The following KCNIP4 variants were observed in gnomAD, a reference collection of about 807,000 sequenced individuals.
KCNIP4 encodes potassium voltage-gated channel interacting protein 4.
A neutral mutation model predicts 34.0 loss-of-function variants in KCNIP4; 12 were observed. The observed-to-expected ratio is 0.35, with a 90% CI of 0.23 to 0.57. The LOEUF is 0.57. KCNIP4 is among the 20% of genes least tolerant of loss of function. KCNIP4 has a pLI of 0.83. For missense variants in KCNIP4, 238 were observed against 311.7 expected (o/e 0.76, Z 1.78); for synonymous variants, 124 against 102.2 (o/e 1.21, Z -1.29).
chr4:21,105,087 T>TAA (rs1748382720), intron 1 of KCNIP4, among the ~76,000 whole-genome samples: 1 of 151,722 alleles, frequency 6.6e-6, no homozygotes, highest in African/African-American at 2.4e-5. Flanking sequence ...GTCTCTTTTT[T>TAA]GGTTCCATAT....
intron 1 of KCNIP4, among the ~76,000 whole-genome samples, chr4:21,199,323 G>C (rs1756293361): frequency 6.6e-6 from 1 of 152,214 alleles, no homozygotes; most frequent in Non-Finnish European, 1.5e-5. Context: ...CTGATGGCCA[G>C]TGATGATGAG....
chr4:21,759,755 A>G (rs1049904742), intron 1 of KCNIP4, among the ~76,000 whole-genome samples: 3 of 152,080 alleles, frequency 2.0e-5, no homozygotes, highest in Admixed American at 2.0e-4. Context: ...TGGAATGACA[A>G]CCTACGTTCC....
chr4:21,519,605 C>A (rs912077795), intron 1 of KCNIP4, among the ~76,000 whole-genome samples: 10 of 88,442 alleles, frequency 1.1e-4, no homozygotes, highest in African/African-American at 2.0e-4. Context: ...TATATATACA[C>A]ATATGTGTGT....
At chr4:21,133,850 A>T (rs1377354089) in intron 1 of KCNIP4, among the ~76,000 whole-genome samples, 2 of 152,190 alleles carry the variant, frequency 1.3e-5, no homozygotes, top group Non-Finnish European at 2.9e-5. Context: ...AAACATACAC[A>T]CTAGAAAGCC....
chr4:21,903,763 G>T (rs765870862), intron 1 of KCNIP4, among the ~76,000 whole-genome samples: 9 of 151,996 alleles, frequency 5.9e-5, no homozygotes, highest in Non-Finnish European at 1.2e-4. Context: ...AGAACCATTA[G>T]GAAGTTATGT....
chr4:21,166,987 G>A lies in KCNIP4; in HGVS notation c.62-284278C>T, dbSNP rs549327451. 2.9e-4 allele frequency among the ~76,000 whole-genome samples: 43 copies of A among 148,000 alleles called. No individual in the cohort carries two copies. The East Asian group carries it at 7.8e-3, about 27-fold the overall frequency. On this transcript the variant is annotated intron_variant, in intron 1 of 8. Transcript: ENST00000382152. ...AAAGAAGTGAGTGGATGGATGGATG[G>A]ATAAGCAAACTGTTGTACATTTCTA...
At chr4:20,815,298 C>T (rs984773912) in intron 3 of KCNIP4, among the ~76,000 whole-genome samples, 5 of 152,100 alleles carry the variant, frequency 3.3e-5, no homozygotes, top group Admixed American at 6.6e-5. Flanking sequence ...AGAATGATGT[C>T]TACCATAATT....
chr4:21,786,808 C>T (rs1328683366), intron 1 of KCNIP4, among the ~76,000 whole-genome samples: 1 of 151,794 alleles, frequency 6.6e-6, no homozygotes, highest in African/African-American at 2.4e-5. Context: ...CCTCATGATC[C>T]GCCCGCCTCG....
chr4:21,543,670 A>G (rs1737887793), intron 1 of KCNIP4, among the ~76,000 whole-genome samples: 1 of 152,162 alleles, frequency 6.6e-6, no homozygotes, highest in African/African-American at 2.4e-5. Context: ...ACTAAATCTC[A>G]TAAGCAGACA....
chr4:21,646,729 C>G (rs1455695242), intron 1 of KCNIP4, among the ~76,000 whole-genome samples: 1 of 152,184 alleles, frequency 6.6e-6, no homozygotes, highest in African/African-American at 2.4e-5. Context: ...TGGTTTGTTA[C>G]TCTCCCTGGC....
At chr4:21,900,721 A>G (rs999040890) in intron 1 of KCNIP4, among the ~76,000 whole-genome samples, 15 of 152,180 alleles carry the variant, frequency 9.9e-5, no homozygotes, top group African/African-American at 3.6e-4. Flanking sequence ...TAGTGTAAAC[A>G]TTGTTATGCT....
intron 1 of KCNIP4, among the ~76,000 whole-genome samples, chr4:21,467,790 C>G (rs1329725454): frequency 6.6e-6 from 1 of 152,144 alleles, no homozygotes; most frequent in African/African-American, 2.4e-5. Context: ...TTCTGAGACT[C>G]TCTCCCACTT....
chr4:21,216,173 T>A (rs1757565282), intron 1 of KCNIP4, among the ~76,000 whole-genome samples: 1 of 152,074 alleles, frequency 6.6e-6, no homozygotes, highest in African/African-American at 2.4e-5. Flanking sequence ...AAGGATCAGG[T>A]TTTTTGGGCT....
chr4:21,111,908 C>A (rs1273960412), intron 1 of KCNIP4, among the ~76,000 whole-genome samples: 2 of 152,184 alleles, frequency 1.3e-5, no homozygotes, highest in African/African-American at 4.8e-5. Flanking sequence ...GAGGAACATG[C>A]TAATCCAGTG....
At chr4:20,865,923 A>G (rs1368941469) in intron 2 of KCNIP4, among the ~76,000 whole-genome samples, 2 of 152,108 alleles carry the variant, frequency 1.3e-5, no homozygotes, top group East Asian at 3.9e-4. Flanking sequence ...TTCACCATCT[A>G]TATGTACATC....
intron 1 of KCNIP4, among the ~76,000 whole-genome samples, chr4:21,302,484 AAC>A (rs1418291695): frequency 6.6e-6 from 1 of 152,242 alleles, no homozygotes; most frequent in Non-Finnish European, 1.5e-5. Flanking sequence ...CAACTAAAAT[AAC>A]ACACACAAAT....
intron 1 of KCNIP4, among the ~76,000 whole-genome samples, chr4:21,197,423 G>A (rs147067980): frequency 5.3e-5 from 8 of 152,118 alleles, no homozygotes; most frequent in African/African-American, 1.9e-4. Flanking sequence ...ACAGCACGTT[G>A]GATTGCTTCC....
intron 1 of KCNIP4, among the ~76,000 whole-genome samples, chr4:21,649,598 C>G (rs1368728698): frequency 6.6e-6 from 1 of 152,126 alleles, no homozygotes; most frequent in African/African-American, 2.4e-5. Flanking sequence ...CTTAAAAAGT[C>G]CCCTGTAGGG....
At chr4:20,738,775 C>A (rs536008061) in intron 5 of KCNIP4, among the ~76,000 whole-genome samples, 3 of 152,206 alleles carry the variant, frequency 2.0e-5, no homozygotes, top group African/African-American at 7.2e-5. Context: ...GAGTGTGAGC[C>A]GAAGCAGGGT....
Sources: gnomAD v4.1 joint callset for allele counts (sites outside exome capture counted in the v4.1 genomes callset) on GRCh38, gnomAD v4.1.1 for gene constraint, MANE v1.5 for transcripts, NCBI Gene and HGNC (gene_info 2026-07-23, HGNC 2026-07-21) for gene names.